The following LUZP2 variants were observed in gnomAD, a reference collection of about 807,000 sequenced individuals.
LUZP2 encodes the protein leucine zipper protein 2.
In LUZP2, 52 loss-of-function variants were observed where a neutral mutation model predicts 51.6. The observed-to-expected ratio is 1.01, with a 90% CI of 0.81 to 1.27. The LOEUF (loss-of-function observed/expected upper bound fraction) is 1.27, where lower values mean the gene tolerates loss of function less well. Among genes scored for constraint, LUZP2 ranks in the 50% most tolerant of loss-of-function variants. LUZP2 has a pLI of 0.00. For missense variants in LUZP2, 436 were observed against 395.4 expected (o/e 1.10, Z -0.87); for synonymous variants, 154 against 137.3 (o/e 1.12, Z -0.85).
chr11:24,960,483 G>GCGTA (rs1554945975), intron 7 of LUZP2, among the ~76,000 whole-genome samples: 1 of 150,454 alleles, frequency 6.6e-6, no homozygotes, highest in African/African-American at 2.4e-5. Context: ...TCTTGGGAGA[G>GCGTA]TGTGTTGAGG....
At chr11:24,970,406 A>G (rs1339070366) in intron 7 of LUZP2, among the ~76,000 whole-genome samples, 1 of 152,210 alleles carries the variant, frequency 6.6e-6, no homozygotes, top group Non-Finnish European at 1.5e-5. Flanking sequence ...ATAGTTTTAT[A>G]TTCTATAAAC....
At position 25,062,350 on chromosome 11, in the gene LUZP2, C is replaced by T. The variant is rs144597078; in HGVS notation, c.858+12220C>T. ...CTGTAATCCCAGCACTCTGGGAGGC[C>T]GAGGTAGGCAGATCACTTGAGTTCA... On this transcript the variant is annotated intron_variant, in intron 10 of 11. Coordinates refer to ENST00000336930, the MANE Select transcript of LUZP2 (RefSeq NM_001009909.4). 2.4e-3 allele frequency among the ~76,000 whole-genome samples: 363 copies of T among 150,978 alleles called. 6 individuals are homozygous for T. The highest frequency in any genetic ancestry group is 8.4e-3 in the African/African-American group (346 of 41,336).
At chr11:24,702,251 A>C (rs558181382) in intron 1 of LUZP2, among the ~76,000 whole-genome samples, 14 of 152,354 alleles carry the variant, frequency 9.2e-5, no homozygotes, top group Non-Finnish European at 1.6e-4. Context: ...AATAACTTTA[A>C]AAAATAATTA....
chr11:25,062,587 C>CAAAAAAAAAAA (rs1163708322), intron 10 of LUZP2, among the ~76,000 whole-genome samples: 2 of 43,090 alleles, frequency 4.6e-5, no homozygotes, highest in East Asian at 7.7e-4. Flanking sequence ...AAGACCCTGT[C>CAAAAAAAAAAA]AAAAAAAAAA....
intron 5 of LUZP2, among the ~76,000 whole-genome samples, chr11:24,777,480 G>C (rs2716540): frequency 0.8 from 122,122 of 152,088 alleles, 49,124 homozygotes; most frequent in East Asian, 0.86. Context: ...TTAAGACTTA[G>C]TATAAACACT....
chr11:24,644,770 T>C (rs1003127553), intron 1 of LUZP2, among the ~76,000 whole-genome samples: 4 of 152,166 alleles, frequency 2.6e-5, no homozygotes, highest in Admixed American at 2.6e-4. Context: ...AGCATATACA[T>C]TTCTTTATTT....
intron 10 of LUZP2, among the ~76,000 whole-genome samples, chr11:25,052,157 C>T (rs1858535930): frequency 6.6e-6 from 1 of 152,130 alleles, no homozygotes; most frequent in Non-Finnish European, 1.5e-5. Flanking sequence ...CCTTTTAGTA[C>T]ATAGAGTGCT....
intron 1 of LUZP2, among the ~76,000 whole-genome samples, chr11:24,707,309 T>A (rs1420765414): frequency 6.7e-6 from 1 of 149,668 alleles, no homozygotes. Context: ...TGTGTGTGCG[T>A]GTGTGTGTGT....
chr11:24,952,089 T>C (rs574884353), intron 7 of LUZP2, among the ~76,000 whole-genome samples: 2 of 151,826 alleles, frequency 1.3e-5, no homozygotes, highest in African/African-American at 2.4e-5. Flanking sequence ...AGGAGAATCA[T>C]AGATTTGATA....
intron 10 of LUZP2, among the ~76,000 whole-genome samples, chr11:25,053,593 C>T (rs554689501): frequency 2.0e-5 from 3 of 151,296 alleles, no homozygotes; most frequent in Non-Finnish European, 4.4e-5. Context: ...CACTAAGCCT[C>T]AGGCAACCAA....
intron 1 of LUZP2, among the ~76,000 whole-genome samples, chr11:24,720,691 T>C (rs2015109): frequency 0.21 from 32,538 of 151,882 alleles, 4,348 homozygotes; most frequent in East Asian, 0.44. Flanking sequence ...ACCTGTTCTT[T>C]TGTTTGTTTG....
intron 5 of LUZP2, among the ~76,000 whole-genome samples, chr11:24,819,767 TA>T (rs1355391760): frequency 1.5e-5 from 2 of 135,192 alleles, no homozygotes; most frequent in African/African-American, 5.9e-5. Flanking sequence ...ATAGGCTAGT[TA>T]TTTTTTTAGG....
chr11:24,587,669 A>G (rs936918978), intron 1 of LUZP2, among the ~76,000 whole-genome samples: 2 of 152,154 alleles, frequency 1.3e-5, no homozygotes, highest in Non-Finnish European at 2.9e-5. Context: ...TACATATTCA[A>G]TAACTATTTT....
At chr11:24,750,445 T>A (rs1859536650) in intron 4 of LUZP2, among the ~76,000 whole-genome samples, 1 of 152,192 alleles carries the variant, frequency 6.6e-6, no homozygotes, top group Non-Finnish European at 1.5e-5. Context: ...AGAAGCAAGG[T>A]TTTTTGACCA....
At chr11:24,628,967 T>C (rs1396376366) in intron 1 of LUZP2, among the ~76,000 whole-genome samples, 1 of 152,110 alleles carries the variant, frequency 6.6e-6, no homozygotes, top group Non-Finnish European at 1.5e-5. Context: ...AAAGATTAGA[T>C]CTATATAATG....
intron 9 of LUZP2, among the ~76,000 whole-genome samples, chr11:25,011,189 G>T (rs944592356): frequency 3.9e-5 from 6 of 152,110 alleles, no homozygotes; most frequent in Non-Finnish European, 7.3e-5. Flanking sequence ...AATGCTCAAT[G>T]AACAAACCAA....
chr11:24,798,214 T>TAA (rs1242217353), intron 5 of LUZP2, among the ~76,000 whole-genome samples: 1 of 151,180 alleles, frequency 6.6e-6, no homozygotes, highest in African/African-American at 2.4e-5. Flanking sequence ...TTTTTTTTAT[T>TAA]ATTTATGTAT....
At position 24,774,362 on chromosome 11, in the gene LUZP2, C is replaced by CTCTCTATATA. The variant is rs776739280; in HGVS notation, c.396+11055_396+11056insCTCTATATAT. ...TCTCTCTCTCTCTCTCTCTCTCTCT[C>CTCTCTATATA]TATATATATATATATATATACATAC... On this transcript the variant is annotated intron_variant, in intron 5 of 11. Coordinates refer to ENST00000336930, the MANE Select transcript of LUZP2 (RefSeq NM_001009909.4). Among the ~76,000 whole-genome samples, 176 of 76,302 alleles carry CTCTCTATATA rather than the reference C, an allele frequency of 2.3e-3. 1 individual carries two copies. The highest frequency in any genetic ancestry group is 8.3e-3 in the African/African-American group (138 of 16,716). The allele number at this position is 76,302 out of a possible 152,430, so 50.1% of individuals were successfully genotyped here.
At chr11:24,610,125 A>C (rs1469773147) in intron 1 of LUZP2, among the ~76,000 whole-genome samples, 2 of 152,222 alleles carry the variant, frequency 1.3e-5, no homozygotes, top group Non-Finnish European at 2.9e-5. Context: ...CCAAGTCTGC[A>C]CTGACTGAAG....
Sources: allele counts gnomAD v4.1 joint callset (sites outside exome capture counted in the v4.1 genomes callset), GRCh38; gene constraint gnomAD v4.1.1; transcripts MANE v1.5; gene names NCBI Gene and HGNC (gene_info 2026-07-23, HGNC 2026-07-21).